The following NLN variants were observed in gnomAD, a reference collection of about 807,000 sequenced individuals.
NLN encodes the protein neurolysin.
In NLN, 64 loss-of-function variants were observed where a neutral mutation model predicts 79.9. The ratio of observed to expected loss-of-function variants is 0.80; its 90% CI spans 0.65 to 0.99. NLN has a LOEUF of 0.99. Among genes scored for constraint, NLN ranks in the 50% least tolerant of loss-of-function variants. NLN has a pLI of 0.00. For synonymous variants in NLN, 267 were observed against 296.6 expected (o/e 0.90, Z 1.02); for missense variants, 835 against 858.7 (o/e 0.97, Z 0.34).
intron 2 of NLN, among the ~76,000 whole-genome samples, chr5:65,761,639 A>C (rs1759343147): frequency 6.6e-6 from 1 of 152,198 alleles, no homozygotes; most frequent in Non-Finnish European, 1.5e-5. Context: ...AACTAGTATC[A>C]CTTAAATAAG....
At chr5:65,785,247 T>C (rs1759891131) in intron 6 of NLN, among the ~76,000 whole-genome samples, 1 of 152,246 alleles carries the variant, frequency 6.6e-6, no homozygotes, top group South Asian at 2.1e-4. Context: ...CATACCGTTT[T>C]CTACAGCAGC....
intron 9 of NLN, among the ~76,000 whole-genome samples, chr5:65,796,237 C>T (rs1760171157): frequency 6.6e-6 from 1 of 152,152 alleles, no homozygotes; most frequent in South Asian, 2.1e-4. Context: ...GTTCGTTTTT[C>T]AGGCACAGTC....
chr5:65,817,585 T>C (rs1014937799), intron 12 of NLN, among the ~76,000 whole-genome samples: 9 of 152,254 alleles, frequency 5.9e-5, no homozygotes, highest in African/African-American at 1.7e-4. Flanking sequence ...GTTAAGCTAC[T>C]ATTATCTTCC....
intron 6 of NLN, among the ~76,000 whole-genome samples, chr5:65,783,703 T>C (rs1444915661): frequency 1.6e-4 from 21 of 133,386 alleles, no homozygotes; most frequent in Non-Finnish European, 2.9e-4. Context: ...CTATGAAAAT[T>C]AAAAAAAAAA....
rs778967557 is a variant in NLN at position 65,722,396 on chromosome 5, C to T, written c.23C>T (p.Ala8Val). 3 of 1,590,358 alleles carry T rather than the reference C, an allele frequency of 1.9e-6. No individual in the cohort carries two copies. The East Asian group carries it at 7.0e-5, about 37-fold the overall frequency. ...CCCATGATCGCCCGGTGCCTTTTGG[C>T]TGTGCGAAGCCTCCGCAGGTACCTC... is the stretch of plus-strand genomic sequence containing the variant. MIARCLL[A>V]VRSLRRVGGS... The change falls in exon 1 of 13, where the codon GCT (alanine) becomes GTT (valine). Residue 8 changes from alanine (A) to valine (V), a missense_variant. Coordinates refer to ENST00000380985, the MANE Select transcript of NLN (RefSeq NM_020726.5).
At chr5:65,815,451 C>T (rs1475354683) in intron 12 of NLN, among the ~76,000 whole-genome samples, 1 of 152,208 alleles carries the variant, frequency 6.6e-6, no homozygotes, top group East Asian at 1.9e-4. Context: ...GGAGTTAAAA[C>T]TTGTGATGTT....
chr5:65,777,366 A>T, intron 3 of NLN, 61 bp from the exon 4 acceptor site: 1 of 1,069,160 alleles, frequency 9.4e-7, no homozygotes, highest in Non-Finnish European at 1.4e-6. Context: ...GTGGCCTCAT[A>T]GTTTATAATT....
chr5:65,725,546 C>T (rs1029073322), intron 1 of NLN, among the ~76,000 whole-genome samples: 1 of 152,178 alleles, frequency 6.6e-6, no homozygotes, highest in Non-Finnish European at 1.5e-5. Flanking sequence ...TTTCATTATA[C>T]AGTATCAAAC....
At chr5:65,812,951 C>G (rs1760586499) in intron 12 of NLN, among the ~76,000 whole-genome samples, 1 of 152,194 alleles carries the variant, frequency 6.6e-6, no homozygotes, top group South Asian at 2.1e-4. Flanking sequence ...GACAAACCTT[C>G]CTGATTTACA....
intron 1 of NLN, among the ~76,000 whole-genome samples, chr5:65,729,568 G>T (rs1692031485): frequency 6.6e-6 from 1 of 151,942 alleles, no homozygotes; most frequent in South Asian, 2.1e-4. Flanking sequence ...CAGAGACGGG[G>T]TTTTACCATG....
chr5:65,760,557 GGCTGGAGTGCTAT>G lies in NLN; in HGVS notation c.301+1733_301+1745del, dbSNP rs569503570. On this transcript the variant is annotated intron_variant, in intron 2 of 12. Coordinates refer to ENST00000380985, the MANE Select transcript of NLN (RefSeq NM_020726.5). ...AGACAAAGTCTCACTCTGTCACCCA[GGCTGGAGTGCTAT>G]GGCACAATCCTAGCTCACTGCAGCC... is the stretch of plus-strand genomic sequence containing the variant. 5.3e-3 allele frequency among the ~76,000 whole-genome samples: 814 copies of G among 152,310 alleles called. 4 individuals are homozygous for G. Among genetic ancestry groups the G allele is most frequent in the Non-Finnish European group, 8.5e-3 (577 of 68,028 alleles).
intron 1 of NLN, among the ~76,000 whole-genome samples, chr5:65,727,850 T>C (rs1300258926): frequency 6.6e-6 from 1 of 152,168 alleles, no homozygotes; most frequent in Non-Finnish European, 1.5e-5. Flanking sequence ...CACTGCAACC[T>C]CTGCCTTCTG....
chr5:65,730,124 A>G (rs975277556), intron 1 of NLN, among the ~76,000 whole-genome samples: 1 of 152,270 alleles, frequency 6.6e-6, no homozygotes, highest in Non-Finnish European at 1.5e-5. Context: ...CAATGAACAA[A>G]GCAGATAAAA....
At position 65,826,527 on chromosome 5, in the gene NLN, A is replaced by G. The variant is rs377704617; in HGVS notation, c.*3612A>G. ...ACAGCTTCTTCCCTCAAATCAACAC[A>G]TTACAGTTAGATGTCTCCCATCTGA... On this transcript the variant is annotated 3_prime_UTR_variant, in exon 13 of 13. Transcript: ENST00000380985. The G allele has an allele frequency of 6.6e-6, 1 of 152,234 alleles. No individual in the cohort carries two copies. The highest frequency in any genetic ancestry group is 1.5e-5 in the Non-Finnish European group (1 of 68,042). 9.4% of individuals were successfully genotyped at this position (152,234 alleles called of 1,614,324 possible).
chr5:65,722,261 G>A lies in NLN; in HGVS notation c.-113G>A, dbSNP rs565094855. The stretch of plus-strand genomic sequence containing the variant: ...GGGCGCTGGCCAGGCAGCCACTGTG[G>A]CCTCTGCGGCTAGGCCGGCTCGAGA... On this transcript the variant is annotated 5_prime_UTR_variant, in exon 1 of 13. Transcript: ENST00000380985. 3.9e-3 allele frequency: 2,822 copies of A among 724,596 alleles called. 24 individuals are homozygous for A. Among genetic ancestry groups the A allele is most frequent in the South Asian group, 0.014 (698 of 48,436 alleles). 44.9% of individuals were successfully genotyped at this position (724,596 alleles called of 1,614,324 possible). A position where few individuals can be genotyped will look rare whatever the true frequency, so the allele number is the denominator to read the frequency against.
At chr5:65,791,873 C>T (rs574067099) in intron 8 of NLN, among the ~76,000 whole-genome samples, 52 of 152,244 alleles carry the variant, frequency 3.4e-4, no homozygotes, top group African/African-American at 1.2e-3. Flanking sequence ...CGACACTGTA[C>T]AAGAATAGTC....
rs1322130093 is a variant in NLN, at chr5:65,810,133, G to T, written c.1811G>T (p.Cys604Phe). Reference protein sequence around the residue: ...LDAASEYAKYCSEILGVAATP... With the variant: ...LDAASEYAKYFSEILGVAATP... The stretch of plus-strand genomic sequence containing the variant: ...GCTGCAAGTGAATATGCCAAATACT[G>T]CTCAGAAATATTAGGAGTTGCAGCT... The change falls in exon 11 of 13, where the codon TGC (cysteine) becomes TTC (phenylalanine). Residue 604 changes from cysteine (C) to phenylalanine (F), a missense_variant. Physicochemically the swap from Cys to Phe is radical, Grantham distance 205. Transcript: ENST00000380985. The T allele has an allele frequency of 1.2e-6, 2 of 1,613,798 alleles. No individual in the cohort carries two copies. The highest frequency in any genetic ancestry group is 2.7e-5 in the African/African-American group (2 of 75,028).
chr5:65,725,321 T>G (rs1758444983), intron 1 of NLN, among the ~76,000 whole-genome samples: 1 of 152,196 alleles, frequency 6.6e-6, no homozygotes, highest in African/African-American at 2.4e-5. Context: ...CACATCAAAG[T>G]TTGACAAATC....
chr5:65,755,646 A>G (rs1234638079), intron 1 of NLN, among the ~76,000 whole-genome samples: 1 of 152,248 alleles, frequency 6.6e-6, no homozygotes, highest in African/African-American at 2.4e-5. Flanking sequence ...CATAACAGGC[A>G]TAAACAGGTT....
Sources: gnomAD v4.1 joint callset for allele counts (sites outside exome capture counted in the v4.1 genomes callset) on GRCh38, gnomAD v4.1.1 for gene constraint, MANE v1.5 for transcripts, NCBI Gene and HGNC (gene_info 2026-07-23, HGNC 2026-07-21) for gene names.